Variants in ANK3 observed in about 807,000 individuals in gnomAD.
ANK3 encodes ankyrin 3, also known as ankyrin-3.
Under a neutral mutation model 370.9 loss-of-function variants are expected in ANK3, and 57 were observed. The observed-to-expected ratio is 0.15, with a 90% CI of 0.12 to 0.19. The LOEUF is 0.19. Ranked by LOEUF, ANK3 falls within the 10% of genes least tolerant of loss-of-function variation. ANK3 has a pLI of 1.00. For missense variants in ANK3, 4,439 were observed against 5,302.1 expected (o/e 0.84, Z 5.06); for synonymous variants, 1,929 against 1,946.3 (o/e 0.99, Z 0.23).
At chr10:60,283,875 C>T (rs2098202967) in intron 1 of ANK3, among the ~76,000 whole-genome samples, 1 of 152,026 alleles carries the variant, frequency 6.6e-6, no homozygotes, top group Non-Finnish European at 1.5e-5. Context: ...TTATATTATT[C>T]ATCACTTAAT....
At chr10:60,035,283 C>G (rs145609717) in intron 43 of ANK3, among the ~76,000 whole-genome samples, 2,234 of 152,128 alleles carry the variant, frequency 0.015, 62 homozygotes, top group African/African-American at 0.05. Context: ...GAGTCTTGCT[C>G]TGTCGCCCAG....
chr10:60,611,678 T>C (rs533650057), intron 2 of ANK3, among the ~76,000 whole-genome samples: 4 of 152,004 alleles, frequency 2.6e-5, no homozygotes, highest in South Asian at 4.2e-4. Flanking sequence ...ATTCTACAGA[T>C]AGGCTCACAC....
intron 36 of ANK3, among the ~76,000 whole-genome samples, chr10:60,079,181 A>ACACACG (rs1279830472): frequency 4.9e-4 from 55 of 112,512 alleles, no homozygotes; most frequent in Non-Finnish European, 1.7e-4. Flanking sequence ...AGCTACACAC[A>ACACACG]CACACACACA....
chr10:60,029,957 A>C (rs1340459393), intron 43 of ANK3, 131 bp from the exon 44 acceptor site: 3 of 139,030 alleles, frequency 2.2e-5, no homozygotes, highest in African/African-American at 8.3e-5. Context: ...GTCTTAGGGA[A>C]TAGAGGCCCT....
At chr10:60,097,568 T>C (rs2090385821) in intron 28 of ANK3, among the ~76,000 whole-genome samples, 1 of 152,230 alleles carries the variant, frequency 6.6e-6, no homozygotes, top group Admixed American at 6.5e-5. Context: ...TAAAATGCTT[T>C]GCAAATATAA....
intron 1 of ANK3, among the ~76,000 whole-genome samples, chr10:60,343,645 G>T (rs189657467): frequency 2.6e-5 from 4 of 152,310 alleles, no homozygotes; most frequent in Admixed American, 2.6e-4. Context: ...TGAGGAGTGA[G>T]AATGGAGACA....
At chr10:60,598,461 A>G (rs2078017725) in intron 2 of ANK3, among the ~76,000 whole-genome samples, 1 of 152,224 alleles carries the variant, frequency 6.6e-6, no homozygotes, top group African/African-American at 2.4e-5. Flanking sequence ...AGTTTTTGTT[A>G]TATTAACAAT....
At chr10:60,710,517 A>G (rs781709897) in intron 1 of ANK3, among the ~76,000 whole-genome samples, 1 of 152,144 alleles carries the variant, frequency 6.6e-6, no homozygotes, top group African/African-American at 2.4e-5. Context: ...GCATTCATAA[A>G]ATACCTTTTT....
chr10:60,115,744 T>C (rs2132117346), intron 25 of ANK3, among the ~76,000 whole-genome samples: 1 of 151,656 alleles, frequency 6.6e-6, no homozygotes, highest in East Asian at 1.9e-4. Flanking sequence ...ATATACAAAA[T>C]GAAGGATAGG....
intron 41 of ANK3, among the ~76,000 whole-genome samples, chr10:60,056,768 A>G (rs1044099851): frequency 2.0e-5 from 3 of 152,162 alleles, no homozygotes; most frequent in Non-Finnish European, 2.9e-5. Context: ...TCTTGCCTAT[A>G]TTCCCAGCAT....
At chr10:60,290,410 T>TG (rs2041069619) in intron 1 of ANK3, among the ~76,000 whole-genome samples, 1 of 151,924 alleles carries the variant, frequency 6.6e-6, no homozygotes, top group Non-Finnish European at 1.5e-5. Flanking sequence ...TCTTTTTTTT[T>TG]ACTTAACTGT....
At chr10:60,410,109 T>C (rs2063529600) in intron 2 of ANK3, among the ~76,000 whole-genome samples, 1 of 152,072 alleles carries the variant, frequency 6.6e-6, no homozygotes, top group African/African-American at 2.4e-5. Context: ...CCTTGTAGGT[T>C]TCACGGTATC....
chr10:60,570,081 A>G (rs1198515505), intron 2 of ANK3, among the ~76,000 whole-genome samples: 1 of 152,160 alleles, frequency 6.6e-6, no homozygotes, highest in Non-Finnish European at 1.5e-5. Flanking sequence ...ATATGGGGAG[A>G]AAAGGCCTAC....
chr10:60,071,327 G>A lies in ANK3; in HGVS notation c.9554C>T (p.Thr3185Ile). 6.2e-7 allele frequency: 1 copy of A among 1,614,106 alleles called. No individual in the cohort carries two copies. The highest frequency in any genetic ancestry group is 8.5e-7 in the Non-Finnish European group (1 of 1,180,014). The change falls in exon 37 of 44, where the codon ACA becomes ATA. Residue 3185 changes from threonine (T) to isoleucine (I), a missense_variant. Around this residue, in one of 13 missense-constraint regions of ANK3, gnomAD observed 1,601 missense variants for 1,731.7 expected, o/e 0.92. Coordinates refer to ENST00000280772, the MANE Select transcript of ANK3 (RefSeq NM_020987.5). ...EEVSYEFTSK[T>I]PDSLIAYIPG... ...TATATAAGCTATGAGCGAGTCAGGT[G>A]TCTTAGATGTAAATTCATAACTCAC...
intron 18 of ANK3, among the ~76,000 whole-genome samples, chr10:60,180,091 T>C (rs115148582): frequency 0.016 from 2,448 of 152,258 alleles, 70 homozygotes; most frequent in African/African-American, 0.055. Context: ...TATTTCCCGA[T>C]GAAAGTATTC....
rs183382911 is a variant in ANK3, at chr10:60,581,866, C to T, written c.96+33320G>A. 2.2e-3 allele frequency among the ~76,000 whole-genome samples: 339 copies of T among 151,906 alleles called. 3 individuals carry two copies. The highest frequency in any genetic ancestry group is 7.6e-3 in the African/African-American group (317 of 41,452). On this transcript the variant is annotated intron_variant, in intron 2 of 43. Coordinates refer to the ANK3 transcript ENST00000373827. ...ATTCACAATAGCAAAGACTTGGAAC[C>T]AACCCAAATGCCCATCAATGATAGA... is the stretch of plus-strand genomic sequence containing the variant.
intron 13 of ANK3, 67 bp from the exon 14 acceptor site, chr10:60,198,604 CA>C: frequency 6.9e-7 from 1 of 1,445,648 alleles, no homozygotes; most frequent in Non-Finnish European, 9.7e-7. Flanking sequence ...ATGAAAAATT[CA>C]GGGAATATTA....
At chr10:60,393,764 T>G (rs1438543138), upstream of ANK3, among the ~76,000 whole-genome samples, 1 of 152,096 alleles carries the variant, frequency 6.6e-6, no homozygotes, top group Non-Finnish European at 1.5e-5. Context: ...TTGAGCTGAG[T>G]TGACACACAA....
chr10:60,731,779 C>T (rs186989877), intron 1 of ANK3, among the ~76,000 whole-genome samples: 8 of 152,196 alleles, frequency 5.3e-5, no homozygotes, highest in Non-Finnish European at 1.0e-4. Context: ...ATAAAGCCTA[C>T]CTGCCCTGAC....
Sources: allele counts gnomAD v4.1 joint callset (sites outside exome capture counted in the v4.1 genomes callset), GRCh38; gene constraint gnomAD v4.1.1; regional missense constraint gnomAD v4.1.1; transcripts MANE v1.5; gene names NCBI Gene and HGNC (gene_info 2026-07-23, HGNC 2026-07-21).